Variants in KLF8 observed in about 807,000 individuals in gnomAD.
KLF8 encodes the protein KLF transcription factor 8, also known as Krueppel-like factor 8.
KLF8 carries 10 observed loss-of-function variants against 18.2 expected under a neutral mutation model. That is an observed-to-expected ratio of 0.55 (90% confidence interval 0.34 to 0.93). The LOEUF (loss-of-function observed/expected upper bound fraction) is 0.93. Ranked by LOEUF, KLF8 falls within the 40% of genes least tolerant of loss-of-function variation. The pLI is 0.02. For missense variants in KLF8, 264 were observed against 277.9 expected, an observed-to-expected ratio of 0.95 and a Z score of 0.36; for synonymous variants, 109 against 97.3, an observed-to-expected ratio of 1.12 and a Z score of -0.71.
At chrX:56,062,975 T>C in the KLF8 span, among the ~76,000 whole-genome samples, 1 of 111,040 alleles carries the variant, frequency 9.0e-6, no homozygotes, top group Admixed American at 9.6e-5. Flanking sequence ...TACTTGTGTA[T>C]GCTTCACGAA....
At chrX:56,250,349 TA>T in intron 2 of KLF8, 45 bp downstream of exon 2, 1 of 902,482 alleles carries the variant, frequency 1.1e-6, no homozygotes, top group Non-Finnish European at 1.6e-6. Context: ...GCCATAATAG[TA>T]TTGAATACCT....
At chrX:55,946,489 G>A in the KLF8 span, among the ~76,000 whole-genome samples, 1 of 111,822 alleles carries the variant, frequency 8.9e-6, no homozygotes, top group African/African-American at 3.2e-5. Context: ...ATTAATTCAA[G>A]ATGGATTGTC....
the KLF8 span, among the ~76,000 whole-genome samples, chrX:56,214,926 T>C: frequency 8.9e-6 from 1 of 112,215 alleles, no homozygotes; most frequent in Non-Finnish European, 1.9e-5. Flanking sequence ...TTATAACCCA[T>C]TTTATATTTG....
chrX:56,003,165 C>G, the KLF8 span, among the ~76,000 whole-genome samples: 5 of 110,740 alleles, frequency 4.5e-5, no homozygotes, highest in Non-Finnish European at 9.4e-5. Context: ...CCAAGGCAGG[C>G]AGATCACCTG....
the KLF8 span, among the ~76,000 whole-genome samples, chrX:56,063,716 G>A: frequency 2.7e-5 from 3 of 111,367 alleles, no homozygotes; most frequent in Non-Finnish European, 5.7e-5. Flanking sequence ...TTCAGAGCTG[G>A]CAGGCAGGAA....
At chrX:56,177,271 T>C in the KLF8 span, among the ~76,000 whole-genome samples, 17 of 111,130 alleles carry the variant, frequency 1.5e-4, no homozygotes, top group East Asian at 4.9e-3. Context: ...GACTTACAGA[T>C]GGGGTTTTGT....
the KLF8 span, among the ~76,000 whole-genome samples, chrX:56,007,396 G>C: frequency 6.3e-5 from 7 of 111,396 alleles, no homozygotes; most frequent in Non-Finnish European, 1.1e-4. Flanking sequence ...TAATGCCAGG[G>C]TGTAGGCTTT....
At chrX:56,232,182 C>G (rs993147797), upstream of KLF8, among the ~76,000 whole-genome samples, 11 of 111,976 alleles carry the variant, frequency 9.8e-5, no homozygotes, top group Admixed American at 1.0e-3. Context: ...TGCTTGCAAG[C>G]CTTAATTTTG....
chrX:56,202,064 T>C, the KLF8 span, among the ~76,000 whole-genome samples: 1 of 111,129 alleles, frequency 9.0e-6, no homozygotes, highest in Admixed American at 9.6e-5. Context: ...GACTTGCAAG[T>C]ATCTGAGCCT....
At chrX:56,112,604 G>C in the KLF8 span, among the ~76,000 whole-genome samples, 2 of 111,384 alleles carry the variant, frequency 1.8e-5, no homozygotes, top group African/African-American at 6.5e-5. Flanking sequence ...TGGTATGCTT[G>C]AAGGTGTCCC....
intron 3 of KLF8, chrX:56,265,967 A>G (rs2066967679): frequency 1.1e-6 from 1 of 936,626 alleles, no homozygotes; most frequent in Non-Finnish European, 1.3e-6. Flanking sequence ...CATATCTATC[A>G]GTGACATATC....
At chrX:56,087,215 C>A in the KLF8 span, among the ~76,000 whole-genome samples, 1 of 110,544 alleles carries the variant, frequency 9.0e-6, no homozygotes, top group African/African-American at 3.3e-5. Flanking sequence ...TACTGCATGC[C>A]AAATATGTAG....
At chrX:56,030,365 C>A in the KLF8 span, among the ~76,000 whole-genome samples, 1 of 111,353 alleles carries the variant, frequency 9.0e-6, no homozygotes, top group African/African-American at 3.3e-5. Context: ...CCTGGAGCAC[C>A]CTTCGCTTTT....
At chrX:55,945,150 T>A in the KLF8 span, among the ~76,000 whole-genome samples, 2 of 111,141 alleles carry the variant, frequency 1.8e-5, no homozygotes, top group East Asian at 2.8e-4. Context: ...TTTGAGTGAG[T>A]TTCTTAATCC....
At chrX:56,146,723 A>G in the KLF8 span, among the ~76,000 whole-genome samples, 20 of 107,620 alleles carry the variant, frequency 1.9e-4, no homozygotes, top group Admixed American at 1.6e-3. Flanking sequence ...AAAAAAAAAA[A>G]AAGAAGAAGA....
chrX:55,974,125 A>G, the KLF8 span, among the ~76,000 whole-genome samples: 9 of 111,501 alleles, frequency 8.1e-5, no homozygotes, highest in African/African-American at 2.9e-4. Flanking sequence ...GTGGGAGCTT[A>G]TGAGGAATTG....
intron 5 of KLF8, among the ~76,000 whole-genome samples, chrX:56,276,122 C>T (rs930073537): frequency 9.0e-6 from 1 of 110,598 alleles, no homozygotes; most frequent in East Asian, 2.8e-4. Flanking sequence ...GCTTTCCTTC[C>T]TGGGAGACCT....
At chrX:55,971,259 A>G in the KLF8 span, among the ~76,000 whole-genome samples, 20 of 111,448 alleles carry the variant, frequency 1.8e-4, no homozygotes, top group African/African-American at 6.2e-4. Context: ...AAATAAATTA[A>G]TGCATTTACA....
At chrX:56,086,442 G>C in the KLF8 span, among the ~76,000 whole-genome samples, 21 of 110,669 alleles carry the variant, frequency 1.9e-4, no homozygotes, top group Middle Eastern at 4.7e-3. Context: ...ATGGGGCTGA[G>C]AGCAGTCACT....
Sources: allele counts gnomAD v4.1 joint callset (sites outside exome capture counted in the v4.1 genomes callset), GRCh38; gene constraint gnomAD v4.1.1; transcripts MANE v1.5; gene names NCBI Gene and HGNC (gene_info 2026-07-23, HGNC 2026-07-21).